Variants in LEPR observed in about 807,000 individuals in gnomAD.
LEPR encodes leptin receptor.
Under a neutral mutation model 114.7 loss-of-function variants are expected in LEPR, and 56 were observed. The observed-to-expected ratio is 0.49, with a 90% confidence interval of 0.39 to 0.61. LEPR has a LOEUF of 0.61. LEPR is among the 20% of genes least tolerant of loss of function. The pLI, the probability that LEPR is intolerant of heterozygous loss-of-function variation, is 0.00. For missense variants in LEPR, 1,202 were observed against 1,352.9 expected, an observed-to-expected ratio of 0.89 and a Z score of 1.75; for synonymous variants, 443 against 461.4, an observed-to-expected ratio of 0.96 and a Z score of 0.51.
At chr1:65,546,054 T>G (rs1651688219) in intron 2 of LEPR, among the ~76,000 whole-genome samples, 1 of 151,740 alleles carries the variant, frequency 6.6e-6, no homozygotes, top group Non-Finnish European at 1.5e-5. Context: ...GCACCATTTA[T>G]TAAATAGGGA....
chr1:65,439,631 AC>A (rs1646620939), intron 2 of LEPR, among the ~76,000 whole-genome samples: 1 of 152,082 alleles, frequency 6.6e-6, no homozygotes, highest in Non-Finnish European at 1.5e-5. Flanking sequence ...AGCCTGGCCA[AC>A]CTGGTGAAAC....
At chr1:65,564,285 C>G (rs1181078718) in intron 2 of LEPR, among the ~76,000 whole-genome samples, 1 of 148,254 alleles carries the variant, frequency 6.7e-6, no homozygotes, top group Non-Finnish European at 1.5e-5. Context: ...GTCAGAAAAG[C>G]GCAGTATTCG....
chr1:65,434,285 C>T (rs2100244441), intron 2 of LEPR: 1 of 983,608 alleles, frequency 1.0e-6, no homozygotes, highest in Middle Eastern at 5.2e-4. Flanking sequence ...ATCATGGTGA[C>T]ACAAATGTTG....
At chr1:65,456,153 C>T (rs1030628665) in intron 2 of LEPR, among the ~76,000 whole-genome samples, 8 of 152,078 alleles carry the variant, frequency 5.3e-5, no homozygotes, top group Admixed American at 1.3e-4. Flanking sequence ...GTGCACGGTG[C>T]GCGCACCCAT....
intron 7 of LEPR, 71 bp from the exon 8 acceptor site, chr1:65,598,589 G>T (rs1251407784): frequency 1.3e-6 from 2 of 1,593,376 alleles, no homozygotes; most frequent in Non-Finnish European, 1.7e-6. Context: ...GATGAGATTA[G>T]CTTATCCTCA....
intron 14 of LEPR, 73 bp downstream of exon 14, chr1:65,610,369 C>A: frequency 8.1e-7 from 1 of 1,233,218 alleles, no homozygotes; most frequent in Non-Finnish European, 1.2e-6. Flanking sequence ...GGTCCATAAT[C>A]CTGTTATTAA....
At chr1:65,511,024 A>C (rs1225611642) in intron 2 of LEPR, among the ~76,000 whole-genome samples, 1 of 152,140 alleles carries the variant, frequency 6.6e-6, no homozygotes, top group Non-Finnish European at 1.5e-5. Context: ...CAAAAAAAAC[A>C]AAACAAAACA....
intron 2 of LEPR, among the ~76,000 whole-genome samples, chr1:65,510,743 G>A (rs558741965): frequency 1.6e-4 from 25 of 152,288 alleles, no homozygotes; most frequent in African/African-American, 5.5e-4. Context: ...AAAGCCAAAA[G>A]GGAAAGAAAG....
chr1:65,606,240 T>C (rs1050228715), intron 11 of LEPR, among the ~76,000 whole-genome samples: 1 of 152,164 alleles, frequency 6.6e-6, no homozygotes, highest in African/African-American at 2.4e-5. Context: ...TAAGTGATTT[T>C]TACTGCAGTG....
In LEPR at chr1:65,570,522, T is replaced by A. The variant is rs560511914; in HGVS notation, c.90T>A (p.Pro30=). ...TAFNLSYPIT[P]WRFKLSCMPP... is the part of the protein sequence containing the mutation. ...TTAACTTGTCATATCCAATTACTCCTTGGAGATTTAAGTTGTCTTGCATGC... is the reference window on the plus strand; with the variant it reads ...TTAACTTGTCATATCCAATTACTCCATGGAGATTTAAGTTGTCTTGCATGC... Residue 30 remains proline, a synonymous_variant, in exon 4 of 20, where the codon CCT becomes CCA. Transcript: ENST00000349533. The A allele has an allele frequency of 6.2e-7, 1 of 1,613,860 alleles. No homozygotes were observed. Among genetic ancestry groups the A allele is most frequent in the Non-Finnish European group, 8.5e-7 (1 of 1,179,948 alleles).
chr1:65,482,206 A>T (rs1357620336), intron 2 of LEPR, among the ~76,000 whole-genome samples: 3 of 152,090 alleles, frequency 2.0e-5, no homozygotes, highest in Non-Finnish European at 4.4e-5. Flanking sequence ...TTATTAAAAG[A>T]TATTAAAAAT....
chr1:65,456,023 C>G (rs760686505), intron 2 of LEPR, among the ~76,000 whole-genome samples: 10 of 152,136 alleles, frequency 6.6e-5, no homozygotes, highest in Non-Finnish European at 1.2e-4. Flanking sequence ...GCACAGTATT[C>G]GGGTGGGAGT....
intron 2 of LEPR, among the ~76,000 whole-genome samples, chr1:65,448,066 A>G (rs1470433586): frequency 6.6e-6 from 1 of 152,144 alleles, no homozygotes; most frequent in African/African-American, 2.4e-5. Context: ...GTTGAAAAGG[A>G]GTGGTGAGAG....
intron 2 of LEPR, among the ~76,000 whole-genome samples, chr1:65,488,287 CCT>C (rs144052026): frequency 1.3e-4 from 17 of 126,666 alleles, no homozygotes; most frequent in South Asian, 2.6e-4. Context: ...TCTTTCCCTC[CCT>C]CTCTCTCTCT....
At chr1:65,543,385 T>G (rs1651390159) in intron 2 of LEPR, among the ~76,000 whole-genome samples, 1 of 152,024 alleles carries the variant, frequency 6.6e-6, no homozygotes, top group African/African-American at 2.4e-5. Flanking sequence ...ATGGTTAGAT[T>G]GCAAAAATTT....
At chr1:65,612,233 T>C (rs2100976329) in intron 14 of LEPR, among the ~76,000 whole-genome samples, 1 of 152,328 alleles carries the variant, frequency 6.6e-6, no homozygotes, top group Middle Eastern at 3.4e-3. Flanking sequence ...TTAAGGCAGT[T>C]TTAGAGTTAC....
intron 19 of LEPR, among the ~76,000 whole-genome samples, chr1:65,626,916 G>T (rs1173165011): frequency 1.3e-5 from 2 of 152,124 alleles, no homozygotes; most frequent in Non-Finnish European, 2.9e-5. Context: ...CTTAACAGAT[G>T]TGAGCCACCA....
At chr1:65,592,479 A>T (rs1462392653) in intron 5 of LEPR, among the ~76,000 whole-genome samples, 178 bp from the exon 6 acceptor site, 2 of 149,254 alleles carry the variant, frequency 1.3e-5, no homozygotes, top group Non-Finnish European at 3.0e-5. Context: ...ATTCCTGATG[A>T]TTAACCTGCT....
At chr1:65,579,440 A>G (rs1468896065) in intron 5 of LEPR, among the ~76,000 whole-genome samples, 1 of 152,208 alleles carries the variant, frequency 6.6e-6, no homozygotes, top group East Asian at 1.9e-4. Flanking sequence ...CCATGAAAAG[A>G]GCACAGGGTT....
Sources: allele counts gnomAD v4.1 joint callset (sites outside exome capture counted in the v4.1 genomes callset), GRCh38; gene constraint gnomAD v4.1.1; transcripts MANE v1.5; gene names NCBI Gene and HGNC (gene_info 2026-07-23, HGNC 2026-07-21).